The following USP30 variants were observed in gnomAD, a reference collection of about 807,000 sequenced individuals.
USP30 encodes ubiquitin carboxyl-terminal hydrolase 30.
A neutral mutation model predicts 68.2 loss-of-function variants in USP30; 41 were observed. That is an observed-to-expected ratio of 0.60 (90% CI 0.47 to 0.78). The LOEUF is 0.78. Among genes scored for constraint, USP30 ranks in the 30% least tolerant of loss-of-function variants. The probability of loss-of-function intolerance (pLI) is 0.00; values close to 1 mark genes in which losing one functional copy is unlikely to be tolerated. For missense variants in USP30, 522 were observed against 649.4 expected, an observed-to-expected ratio of 0.80 and a Z score of 2.13; for synonymous variants, 229 against 253.7, an observed-to-expected ratio of 0.90 and a Z score of 0.93.
chr12:109,031,151 A>C (rs1288164345), intron 3 of USP30, among the ~76,000 whole-genome samples: 1 of 152,234 alleles, frequency 6.6e-6, no homozygotes, highest in African/African-American at 2.4e-5. Flanking sequence ...ATAGAACTAG[A>C]TAAACATGTT....
At chr12:109,049,089 G>T (rs533079197), upstream of USP30, among the ~76,000 whole-genome samples, 6 of 152,274 alleles carry the variant, frequency 3.9e-5, no homozygotes, top group South Asian at 1.2e-3. Context: ...AGGATTTTTA[G>T]TTTACATTCT....
intron 7 of USP30, 66 bp downstream of exon 7, chr12:109,073,598 G>T: frequency 7.1e-7 from 1 of 1,409,176 alleles, no homozygotes; most frequent in Non-Finnish European, 1.0e-6. Flanking sequence ...TTCTTGAAAG[G>T]ACCTAGAGAG....
chr12:109,035,392 T>G (rs915132702), intron 3 of USP30, among the ~76,000 whole-genome samples: 10 of 152,042 alleles, frequency 6.6e-5, no homozygotes, highest in South Asian at 2.1e-4. Flanking sequence ...TGAGATGGAG[T>G]CTCACTCTAT....
chr12:109,063,249 A>C (rs1434220804), intron 3 of USP30, among the ~76,000 whole-genome samples: 1 of 151,896 alleles, frequency 6.6e-6, no homozygotes, highest in Non-Finnish European at 1.5e-5. Flanking sequence ...ACAGGCGTGC[A>C]CCACCACACC....
chr12:109,063,267 T>C (rs2041138153), intron 3 of USP30, among the ~76,000 whole-genome samples: 1 of 151,990 alleles, frequency 6.6e-6, no homozygotes, highest in Non-Finnish European at 1.5e-5. Flanking sequence ...ACCTGGCTAA[T>C]TTTTTGTATT....
intron 3 of USP30, among the ~76,000 whole-genome samples, chr12:109,031,688 A>T (rs2135658915): frequency 6.6e-6 from 1 of 152,372 alleles, no homozygotes; most frequent in South Asian, 2.1e-4. Flanking sequence ...ATGACGTTCC[A>T]ATAGAAGCTA....
At position 109,071,641 on chromosome 12, in the gene USP30, C is replaced by G; in HGVS notation, c.510C>G (p.Thr170=). 6.2e-7 allele frequency: 1 copy of G among 1,614,200 alleles called. No homozygotes were observed. The highest frequency in any genetic ancestry group is 8.5e-7 in the Non-Finnish European group (1 of 1,180,026). ...CTCACGAATTATTCCATGTCATTAC[C>G]TCGTCATTGGAAGATGAGCGAGACC... is the stretch of plus-strand genomic sequence containing the variant. ...QDAHELFHVI[T]SSLEDERDRQ... The change falls in exon 5 of 13, where the codon ACC becomes ACG. Residue 170 remains threonine (T), a synonymous_variant. Coordinates refer to ENST00000257548, the MANE Select transcript of USP30 (RefSeq NM_032663.5).
chr12:109,055,400 ATTT>A (rs869090869), intron 1 of USP30, among the ~76,000 whole-genome samples: 5 of 24,472 alleles, frequency 2.0e-4, no homozygotes, highest in East Asian at 6.2e-3. Context: ...ATATATATAT[ATTT>A]TTTTTTTTTT....
rs369936245 is a variant in USP30, at chr12:109,069,497, C to G, written c.480+1870C>G. On this transcript the variant is annotated intron_variant, in intron 4 of 12. Transcript: ENST00000257548. The stretch of plus-strand genomic sequence containing the variant: ...TTATCTTTGAATCTCTACTTCCACT[C>G]TACAGCTGCAGTTTTATAGCCCAGG... 4.6e-5 allele frequency among the ~76,000 whole-genome samples: 7 copies of G among 152,352 alleles called. No individual in the cohort carries two copies. In the East Asian group the frequency reaches 1.3e-3, roughly 29 times the overall value.
rs1322424476 is a variant in USP30 at position 109,085,722 on chromosome 12, C to T, written c.1345C>T (p.His449Tyr). 1.9e-6 allele frequency: 3 copies of T among 1,614,230 alleles called. No homozygotes were observed. The highest frequency in any genetic ancestry group is 1.7e-5 in the Admixed American group (1 of 60,032). The change falls in exon 13 of 13, where the codon CAC (histidine) becomes TAC (tyrosine). Residue 449 changes from histidine (H) to tyrosine (Y), a missense_variant. Transcript: ENST00000257548. ...AGTTGTCGTCCACCATGGAGACATG[C>T]ACTCTGGACACTTTGTCACTTACCG... ...MAVVVHHGDM[H>Y]SGHFVTYRRS...
rs764391497 is a variant in USP30, at chr12:109,085,051, C to T, written c.1267C>T (p.Leu423Phe). ...PTLSAPMPFP[L>F]PVVPDYSSST... ...GCTGTCAGCGCCGATGCCCTTCCCT[C>T]TCCCAGTTGTTCCCGACTACAGGTG... Residue 423 changes from leucine to phenylalanine, a missense_variant, in exon 12 of 13, where the codon CTC (leucine) becomes TTC (phenylalanine). Transcript: ENST00000257548. 1.3e-6 allele frequency: 2 copies of T among 1,596,174 alleles called. No homozygotes were observed. The highest frequency in any genetic ancestry group is 1.1e-5 in the South Asian group (1 of 87,920).
intron 7 of USP30, among the ~76,000 whole-genome samples, chr12:109,078,781 T>G (rs573712472): frequency 6.6e-6 from 1 of 152,236 alleles, no homozygotes; most frequent in Non-Finnish European, 1.5e-5. Context: ...ACACTTAGAT[T>G]TCATGTATAT....
chr12:109,023,786 C>T (rs1316827854), intron 1 of USP30, among the ~76,000 whole-genome samples: 1 of 151,762 alleles, frequency 6.6e-6, no homozygotes, highest in Admixed American at 6.6e-5. Flanking sequence ...GTGCCCGCCA[C>T]CATGCCTGGC....
chr12:109,068,241 C>G (rs2041322306), intron 4 of USP30, among the ~76,000 whole-genome samples: 1 of 152,166 alleles, frequency 6.6e-6, no homozygotes, highest in Admixed American at 6.6e-5. Context: ...AATCTAGCCC[C>G]CAGTGACATA....
At chr12:109,032,233 G>T (rs1376947630) in intron 3 of USP30, among the ~76,000 whole-genome samples, 4 of 152,104 alleles carry the variant, frequency 2.6e-5, no homozygotes, top group African/African-American at 9.7e-5. Flanking sequence ...GAGCCCAGGA[G>T]GCAGAGGTTG....
chr12:109,081,442 A>G lies in USP30; in HGVS notation c.780+49A>G, dbSNP rs1009446535. ...TTGGAGTCTGTTTCAGAAACATTTC[A>G]ATCTGAAAGGGCTTTGAGGCATTTT... On this transcript the variant is annotated intron_variant, in intron 8 of 12. Transcript: ENST00000257548. 9 of 1,598,414 alleles carry G rather than the reference A, an allele frequency of 5.6e-6. No homozygotes were observed. The African/African-American group carries it at 8.0e-5, about 14-fold the overall frequency.
intron 3 of USP30, chr12:109,047,569 G>A (rs943155854): frequency 6.6e-6 from 1 of 152,158 alleles, no homozygotes; most frequent in Non-Finnish European, 1.5e-5. Context: ...ATGTTCATGT[G>A]AAAGCATCTT....
At chr12:109,038,179 A>T (rs1324902685) in intron 3 of USP30, among the ~76,000 whole-genome samples, 1 of 25,038 alleles carries the variant, frequency 4.0e-5, no homozygotes, top group Non-Finnish European at 8.2e-5. Flanking sequence ...CGACCCCTCC[A>T]AAGGCCCCAG....
At chr12:109,072,874 G>A (rs1284557100) in intron 6 of USP30, among the ~76,000 whole-genome samples, 3 of 152,134 alleles carry the variant, frequency 2.0e-5, no homozygotes, top group Non-Finnish European at 4.4e-5. Flanking sequence ...GAGTTAATGG[G>A]ATAATAACTA....
Sources: allele counts gnomAD v4.1 joint callset (sites outside exome capture counted in the v4.1 genomes callset), GRCh38; gene constraint gnomAD v4.1.1; transcripts MANE v1.5; gene names NCBI Gene and HGNC (gene_info 2026-07-23, HGNC 2026-07-21).